Variants in PPFIA2 observed in about 807,000 individuals in gnomAD.
PPFIA2 encodes PPFI scaffold protein A2.
Under a neutral mutation model 175.5 loss-of-function variants are expected in PPFIA2, and 46 were observed. The observed-to-expected ratio is 0.26, with a 90% CI of 0.21 to 0.34. PPFIA2 has a LOEUF of 0.34. Among genes scored for constraint, PPFIA2 ranks in the 10% least tolerant of loss-of-function variants. The pLI, the probability that PPFIA2 is intolerant of heterozygous loss-of-function variation, is 1.00. For missense variants in PPFIA2, 1,179 were observed against 1,506.1 expected, an observed-to-expected ratio of 0.78 and a Z score of 3.60; for synonymous variants, 568 against 511.4, an observed-to-expected ratio of 1.11 and a Z score of -1.49.
At chr12:81,498,271 C>T (rs1292708713) in intron 4 of PPFIA2, among the ~76,000 whole-genome samples, 1 of 152,154 alleles carries the variant, frequency 6.6e-6, no homozygotes, top group Non-Finnish European at 1.5e-5. Context: ...TGAAAAACTA[C>T]AGACTGTCTT....
At chr12:81,287,890 A>G (rs541350814) in intron 24 of PPFIA2, among the ~76,000 whole-genome samples, 7 of 151,938 alleles carry the variant, frequency 4.6e-5, no homozygotes, top group Admixed American at 1.3e-4. Context: ...AGAAACAAAT[A>G]TTGTATAACT....
intron 4 of PPFIA2, among the ~76,000 whole-genome samples, chr12:81,629,889 T>C (rs1439960068): frequency 6.6e-6 from 1 of 152,184 alleles, no homozygotes; most frequent in Non-Finnish European, 1.5e-5. Context: ...TGTGTTACTT[T>C]ATATGGCCAA....
At chr12:81,589,586 G>C (rs915149112) in intron 4 of PPFIA2, among the ~76,000 whole-genome samples, 6 of 152,092 alleles carry the variant, frequency 3.9e-5, no homozygotes, top group Admixed American at 1.3e-4. Context: ...TAGGTAAACA[G>C]TATTGGAAAT....
At chr12:81,479,995 C>T (rs187826659) in intron 4 of PPFIA2, among the ~76,000 whole-genome samples, 10 of 152,168 alleles carry the variant, frequency 6.6e-5, no homozygotes, top group East Asian at 1.9e-4. Context: ...AGTATCCTGA[C>T]GAGTATTTTC....
intron 7 of PPFIA2, among the ~76,000 whole-genome samples, chr12:81,416,613 G>C (rs1182320215): frequency 1.3e-5 from 2 of 151,634 alleles, no homozygotes; most frequent in Non-Finnish European, 3.0e-5. Context: ...ACTTACTGAA[G>C]GTATTGATTA....
At chr12:81,318,445 G>A (rs4240728) in intron 22 of PPFIA2, among the ~76,000 whole-genome samples, 142,207 of 151,698 alleles carry the variant, frequency 0.94, 66,735 homozygotes, top group East Asian at 0.98. Context: ...CCTATATAGA[G>A]GAAATCAGTA....
Position 81,612,721 on chromosome 12 carries a change from C to T in PPFIA2, c.303+64070G>A, listed in dbSNP as rs116302786. 3.3e-3 allele frequency among the ~76,000 whole-genome samples: 508 copies of T among 152,248 alleles called. 5 individuals carry two copies. Among genetic ancestry groups the T allele is most frequent in the African/African-American group, 0.012 (486 of 41,564 alleles). On this transcript the variant is annotated intron_variant, in intron 4 of 32. Coordinates refer to ENST00000549396, the MANE Select transcript of PPFIA2 (RefSeq NM_003625.5). ...AAATTAGTAAATCTGGTTAAACTCA[C>T]ATTTTGATGATGTTTTATTTTTACA...
intron 3 of PPFIA2, among the ~76,000 whole-genome samples, chr12:81,745,512 G>C (rs2082925976): frequency 6.6e-6 from 1 of 152,058 alleles, no homozygotes; most frequent in Non-Finnish European, 1.5e-5. Context: ...TCTTCTTCTG[G>C]AGTGCATCTG....
At chr12:81,630,535 C>T (rs1204694433) in intron 4 of PPFIA2, among the ~76,000 whole-genome samples, 2 of 152,152 alleles carry the variant, frequency 1.3e-5, no homozygotes, top group African/African-American at 2.4e-5. Context: ...CAAATATCTC[C>T]TATTATCACA....
chr12:81,437,918 C>A (rs1444532354), intron 7 of PPFIA2, among the ~76,000 whole-genome samples: 1 of 151,336 alleles, frequency 6.6e-6, no homozygotes, highest in Non-Finnish European at 1.5e-5. Context: ...CTGAGAGGTA[C>A]CAATCTCTTA....
intron 4 of PPFIA2, among the ~76,000 whole-genome samples, chr12:81,524,060 C>T (rs567162756): frequency 6.6e-6 from 1 of 152,160 alleles, no homozygotes; most frequent in African/African-American, 2.4e-5. Context: ...CTGCCCCCAG[C>T]AAAGCTGTGG....
rs1043714913 is a variant in PPFIA2 at position 81,676,866 on chromosome 12, A to AT, written c.250-23dup. 33 of 1,563,134 alleles carry AT rather than the reference A, an allele frequency of 2.1e-5. No individual in the cohort carries two copies. The Admixed American group carries it at 4.1e-4, about 20-fold the overall frequency. On this transcript the variant is annotated intron_variant, in intron 3 of 32. Coordinates refer to ENST00000549396, the MANE Select transcript of PPFIA2 (RefSeq NM_003625.5). ...TATCCTGAAAAGGGGAGAGGTGTTG[A>AT]TTGTAAAGTGCTACTCAACAGCATG...
At chr12:81,318,218 T>C (rs1257966186) in intron 22 of PPFIA2, among the ~76,000 whole-genome samples, 7 of 151,784 alleles carry the variant, frequency 4.6e-5, no homozygotes, top group African/African-American at 1.2e-4. Flanking sequence ...AGTATGGTCA[T>C]GTTCCTCTGA....
intron 22 of PPFIA2, chr12:81,312,008 C>G: frequency 1.5e-6 from 1 of 681,016 alleles, no homozygotes; most frequent in East Asian, 2.7e-5. Flanking sequence ...ATTCCTTTTA[C>G]TGTGTGGAAA....
chr12:81,454,162 G>T (rs185628607), intron 5 of PPFIA2, among the ~76,000 whole-genome samples: 1 of 152,290 alleles, frequency 6.6e-6, no homozygotes, highest in East Asian at 1.9e-4. Context: ...CTAGGCTGCA[G>T]TGAACCATGA....
chr12:81,508,521 C>CAAAAAAAA (rs544893385), intron 4 of PPFIA2, among the ~76,000 whole-genome samples: 2 of 44,814 alleles, frequency 4.5e-5, no homozygotes, highest in African/African-American at 7.6e-5. Flanking sequence ...AATTCCACCT[C>CAAAAAAAA]AAAAAAAAAA....
intron 4 of PPFIA2, among the ~76,000 whole-genome samples, chr12:81,479,717 A>G (rs959152524): frequency 6.6e-6 from 1 of 152,238 alleles, no homozygotes; most frequent in Non-Finnish European, 1.5e-5. Flanking sequence ...ATCTGGGTTG[A>G]AAATTCTTTT....
chr12:81,453,909 T>G (rs907239009), intron 5 of PPFIA2, among the ~76,000 whole-genome samples: 13 of 152,066 alleles, frequency 8.5e-5, no homozygotes, highest in Non-Finnish European at 1.6e-4. Context: ...CAAAATAAAG[T>G]AGGATTGAAT....
At chr12:81,413,694 T>C (rs1294689720) in intron 7 of PPFIA2, among the ~76,000 whole-genome samples, 3 of 151,852 alleles carry the variant, frequency 2.0e-5, no homozygotes, top group African/African-American at 4.8e-5. Context: ...TTAGGTAATA[T>C]GATTCACATG....
Sources: gnomAD v4.1 joint callset for allele counts (sites outside exome capture counted in the v4.1 genomes callset) on GRCh38, gnomAD v4.1.1 for gene constraint, MANE v1.5 for transcripts, NCBI Gene and HGNC (gene_info 2026-07-23, HGNC 2026-07-21) for gene names.